Variants in ALPK3 observed in about 807,000 individuals in gnomAD.
The protein encoded by ALPK3 is alpha-protein kinase 3.
In ALPK3, 102 loss-of-function variants were observed where a neutral mutation model predicts 140.0. That is an observed-to-expected ratio of 0.73 (90% CI 0.62 to 0.86). The LOEUF (loss-of-function observed/expected upper bound fraction) is 0.86, where lower values mean the gene tolerates loss of function less well. Among genes scored for constraint, ALPK3 ranks in the 40% least tolerant of loss-of-function variants. The pLI, the probability that ALPK3 is intolerant of heterozygous loss-of-function variation, is 0.00. For missense variants in ALPK3, 2,254 were observed against 2,208.2 expected (o/e 1.02, Z -0.42); for synonymous variants, 938 against 898.5 (o/e 1.04, Z -0.79).
chr15:84,836,265 T>C (rs7164787), intron 3 of ALPK3, among the ~76,000 whole-genome samples: 72,253 of 151,970 alleles, frequency 0.48, 18,758 homozygotes, highest in East Asian at 0.79. Context: ...GCCCAGATCA[T>C]GAGGGCTGCG....
At chr15:84,863,440 G>T in intron 10 of ALPK3, 112 bp from the exon 11 acceptor site, 1 of 890,362 alleles carries the variant, frequency 1.1e-6, no homozygotes, top group South Asian at 1.8e-5. Flanking sequence ...CCCAGGGCTG[G>T]AATCCTCCTC....
At chr15:84,836,523 T>C (rs2141554178) in intron 3 of ALPK3, among the ~76,000 whole-genome samples, 1 of 152,300 alleles carries the variant, frequency 6.6e-6, no homozygotes, top group Non-Finnish European at 1.5e-5. Flanking sequence ...GATTGCCTGA[T>C]GGAGTAGAGG....
chr15:84,820,851 T>C (rs1963414071), intron 1 of ALPK3, among the ~76,000 whole-genome samples: 1 of 152,192 alleles, frequency 6.6e-6, no homozygotes, highest in African/African-American at 2.4e-5. Context: ...CTTGAACTCC[T>C]GGGCTCCAGC....
intron 11 of ALPK3, among the ~76,000 whole-genome samples, chr15:84,863,948 G>A (rs1057321477): frequency 6.6e-6 from 1 of 152,196 alleles, no homozygotes; most frequent in African/African-American, 2.4e-5. Flanking sequence ...AAGGTGATGG[G>A]GTGGGTTAAG....
intron 1 of ALPK3, among the ~76,000 whole-genome samples, chr15:84,818,281 C>T (rs970898506): frequency 1.3e-5 from 2 of 152,190 alleles, no homozygotes; most frequent in Non-Finnish European, 2.9e-5. Flanking sequence ...GAGCCCTTCA[C>T]TGGTCTTCCA....
At chr15:84,849,268 A>G (rs962224561) in intron 5 of ALPK3, among the ~76,000 whole-genome samples, 1 of 152,222 alleles carries the variant, frequency 6.6e-6, no homozygotes, top group African/African-American at 2.4e-5. Flanking sequence ...CATGAAGCAA[A>G]ACCTGACAGA....
chr15:84,836,579 A>C (rs1963599442), intron 3 of ALPK3, among the ~76,000 whole-genome samples: 1 of 152,242 alleles, frequency 6.6e-6, no homozygotes, highest in Non-Finnish European at 1.5e-5. Context: ...TTTTGGCCTG[A>C]GCCAAATATA....
intron 12 of ALPK3, among the ~76,000 whole-genome samples, chr15:84,865,071 A>G (rs971261379): frequency 6.6e-5 from 10 of 152,150 alleles, no homozygotes; most frequent in Admixed American, 6.5e-4. Flanking sequence ...ATTTTAGCCC[A>G]GTAGCTTTAC....
rs1963643300 is a variant in ALPK3 at position 84,840,147 on chromosome 15, C to T, written c.868C>T (p.His290Tyr). The change falls in exon 5 of 14, where the codon CAT (histidine) becomes TAT (tyrosine). Residue 290 changes from histidine to tyrosine, a missense_variant. This residue lies in a region of ALPK3 where 2,088 missense variants were observed against 2,022.9 expected (regional missense o/e 1.03). Coordinates refer to ENST00000258888, the MANE Select transcript of ALPK3 (RefSeq NM_020778.5). ...AAPENGEDGEHGLLTYICDAM... is the reference protein window; with the variant it reads ...AAPENGEDGEYGLLTYICDAM... ...CCCCGAGAATGGAGAGGACGGAGAG[C>T]ATGGCTTGCTGACATACATCTGTGA... The T allele has an allele frequency of 1.9e-6, 3 of 1,613,798 alleles. No individual in the cohort carries two copies. The highest frequency in any genetic ancestry group is 1.7e-6 in the Non-Finnish European group (2 of 1,179,936).
At chr15:84,819,567 C>T (rs1012754231) in intron 1 of ALPK3, among the ~76,000 whole-genome samples, 1 of 152,196 alleles carries the variant, frequency 6.6e-6, no homozygotes, top group Non-Finnish European at 1.5e-5. Flanking sequence ...AGGGAGCCAC[C>T]GTACTGTCTG....
Position 84,859,251 on chromosome 15 carries a change from G to A in ALPK3, c.3826G>A (p.Val1276Met), listed in dbSNP as rs1467009857. 1.1e-5 allele frequency: 17 copies of A among 1,613,970 alleles called. No homozygotes were observed. The highest frequency in any genetic ancestry group is 1.4e-5 in the Non-Finnish European group (17 of 1,180,002). ...CTGGGCCCTGCTCTCAGCCCCACAG[G>A]TGATCCGGAAGATTCGGGTGGAGCA... ...KAKDLLKAPQ[V>M]IRKIRVEQFP... The change falls in exon 7 of 14, where the codon GTG becomes ATG. Residue 1276 changes from valine to methionine, a missense_variant. Val to Met is a conservative substitution (Grantham distance 21, BLOSUM62 1). This residue lies in a region of ALPK3 where 2,088 missense variants were observed against 2,022.9 expected (regional missense o/e 1.03). Transcript: ENST00000258888.
chr15:84,841,310 G>A (rs1406128181), intron 5 of ALPK3, among the ~76,000 whole-genome samples: 2 of 152,170 alleles, frequency 1.3e-5, no homozygotes, highest in Non-Finnish European at 1.5e-5. Context: ...GCAGGTGTGC[G>A]CTGTAGTGTA....
intron 9 of ALPK3, 44 bp from the exon 10 acceptor site, chr15:84,862,591 G>T (rs781522811): frequency 1.3e-6 from 2 of 1,558,798 alleles, no homozygotes; most frequent in East Asian, 4.5e-5. Flanking sequence ...ACATTGGTGA[G>T]ACAGGAGCTC....
chr15:84,859,022 A>G (rs1261339269), intron 6 of ALPK3, among the ~76,000 whole-genome samples: 1 of 152,116 alleles, frequency 6.6e-6, no homozygotes, highest in African/African-American at 2.4e-5. Flanking sequence ...CCTGGGGTCA[A>G]GGTGGAGTAG....
At position 84,862,697 on chromosome 15, in the gene ALPK3, TG is replaced by T; in HGVS notation, c.4198del (p.Asp1400ThrfsTer8). 1 of 1,614,116 alleles carries T rather than the reference TG, an allele frequency of 6.2e-7. No individual in the cohort carries two copies. The highest frequency in any genetic ancestry group is 8.5e-7 in the Non-Finnish European group (1 of 1,179,996). ...FAKGLADSGCWGDKLFGRLVS... is the reference protein window; with the variant it reads ...FAKGLADSGCXGDKLFGRLVS... ...TAAGGGTCTGGCTGACTCTGGCTGC[TG>T]GGGGGACAAGCTCTTTGGGCGACTG... is the stretch of plus-strand genomic sequence containing the variant. On this transcript the variant is annotated frameshift_variant, in exon 10 of 14. Coordinates refer to ENST00000258888, the MANE Select transcript of ALPK3 (RefSeq NM_020778.5). LOFTEE classifies it high-confidence loss of function.
At chr15:84,862,549 C>T (rs1310471025) in intron 9 of ALPK3, 86 bp from the exon 10 acceptor site, 1 of 1,481,642 alleles carries the variant, frequency 6.7e-7, no homozygotes, top group East Asian at 2.3e-5. Flanking sequence ...GGGTGGGAGG[C>T]TCTTCTGGCC....
rs1478526954 is a variant in ALPK3 at position 84,873,156 on chromosome 15, C to G, written c.*4700C>G. ...GCCTCCCAGGCCTAGAGAGGAAAATCAGCAGAGCCTCGTGAATGTATTTCT... is the reference window on the plus strand; with the variant it reads ...GCCTCCCAGGCCTAGAGAGGAAAATGAGCAGAGCCTCGTGAATGTATTTCT... On this transcript the variant is annotated 3_prime_UTR_variant, in exon 14 of 14. Transcript: ENST00000258888. The G allele has an allele frequency of 1.3e-5, 2 of 152,208 alleles. No individual in the cohort carries two copies. The highest frequency in any genetic ancestry group is 3.9e-4 in the East Asian group (2 of 5,188). 9.4% of individuals were successfully genotyped at this position (152,208 alleles called of 1,614,324 possible). A position where few individuals can be genotyped will look rare whatever the true frequency, so the allele number is the denominator to read the frequency against.
chr15:84,832,020 TTA>T (rs1963549995), intron 3 of ALPK3, among the ~76,000 whole-genome samples: 1 of 152,228 alleles, frequency 6.6e-6, no homozygotes, highest in Non-Finnish European at 1.5e-5. Flanking sequence ...TTATGCTGGC[TTA>T]CTCTCAGGGC....
chr15:84,858,364 G>T lies in ALPK3; in HGVS notation c.3626G>T (p.Gly1209Val). The change falls in exon 6 of 14, where the codon GGG becomes GTG. Residue 1209 changes from glycine to valine, a missense_variant. Around this residue, in one of 3 missense-constraint regions of ALPK3, gnomAD observed 2,088 missense variants for 2,022.9 expected, o/e 1.03. Coordinates refer to ENST00000258888, the MANE Select transcript of ALPK3 (RefSeq NM_020778.5). ...SLVPGSPGTP[G>V]RERRSPTQGR... Reference sequence around the variant, plus strand: ...GTGCCTGGGTCCCCAGGGACTCCAGGGCGGGAGAGACGCTCCCCTACGCAG... The same window carrying T: ...GTGCCTGGGTCCCCAGGGACTCCAGTGCGGGAGAGACGCTCCCCTACGCAG... The T allele has an allele frequency of 6.4e-7, 1 of 1,554,760 alleles. No homozygotes were observed. Among genetic ancestry groups the T allele is most frequent in the Non-Finnish European group, 8.7e-7 (1 of 1,150,236 alleles).
Sources: allele counts gnomAD v4.1 joint callset (sites outside exome capture counted in the v4.1 genomes callset), GRCh38; gene constraint gnomAD v4.1.1; regional missense constraint gnomAD v4.1.1; transcripts MANE v1.5; gene names NCBI Gene and HGNC (gene_info 2026-07-23, HGNC 2026-07-21).